The following PRICKLE2 variants were observed in gnomAD, a reference collection of about 807,000 sequenced individuals.
PRICKLE2 encodes prickle planar cell polarity protein 2, also known as prickle-like protein 2.
PRICKLE2 carries 21 observed loss-of-function variants against 81.4 expected under a neutral mutation model. The ratio of observed to expected loss-of-function variants is 0.26; its 90% CI spans 0.18 to 0.37. The LOEUF (loss-of-function observed/expected upper bound fraction) is 0.37, where lower values mean the gene tolerates loss of function less well. PRICKLE2 is among the 10% of genes least tolerant of loss of function. PRICKLE2 has a pLI of 1.00. For synonymous variants in PRICKLE2, 456 were observed against 421.5 expected (o/e 1.08, Z -1.00); for missense variants, 940 against 1,109.0 (o/e 0.85, Z 2.16).
At chr3:64,194,720 A>G (rs2078415995) in intron 2 of PRICKLE2, among the ~76,000 whole-genome samples, 1 of 152,198 alleles carries the variant, frequency 6.6e-6, no homozygotes. Context: ...GATACGGTAT[A>G]CACTATTCAC....
At chr3:64,215,978 C>T (rs1368979893) in intron 1 of PRICKLE2, among the ~76,000 whole-genome samples, 1 of 152,220 alleles carries the variant, frequency 6.6e-6, no homozygotes, top group Non-Finnish European at 1.5e-5. Flanking sequence ...AACAAGAACT[C>T]CTATGGCCTT....
rs757194676 is a variant in PRICKLE2, at chr3:64,110,578, T to C, written c.1661-10653A>G. On this transcript the variant is annotated intron_variant, in intron 7 of 7. Coordinates refer to ENST00000638394, the MANE Select transcript of PRICKLE2 (RefSeq NM_198859.4). ...GCAGAGAATAAAGACTGGACCTACT[T>C]TGAGTGCTGGAAAAGAACTCTGTGT... Among the ~76,000 whole-genome samples, 15 of 152,272 alleles carry C rather than the reference T, an allele frequency of 9.9e-5. 1 individual carries two copies. The South Asian group carries it at 1.5e-3, about 15-fold the overall frequency.
At chr3:64,267,026 G>T (rs985551432) in intron 2 of PRICKLE2, among the ~76,000 whole-genome samples, 1 of 151,850 alleles carries the variant, frequency 6.6e-6, no homozygotes, top group African/African-American at 2.4e-5. Context: ...ATGGGTGGGG[G>T]GAGCTGAAAC....
intron 7 of PRICKLE2, among the ~76,000 whole-genome samples, chr3:64,124,057 A>G (rs2077070332): frequency 6.6e-6 from 1 of 152,200 alleles, no homozygotes. Flanking sequence ...TGCAAATAAA[A>G]AGTTCTTGAA....
intron 2 of PRICKLE2, among the ~76,000 whole-genome samples, chr3:64,193,790 T>C (rs780174405): frequency 9.9e-5 from 15 of 152,168 alleles, no homozygotes; most frequent in Non-Finnish European, 2.2e-4. Flanking sequence ...GGAGGAGTTT[T>C]CCTGCAAAAG....
intron 7 of PRICKLE2, chr3:64,146,620 G>A: frequency 8.9e-6 from 5 of 561,226 alleles, no homozygotes; most frequent in Non-Finnish European, 1.6e-5. Context: ...GCGGGCACCT[G>A]TAGTCCCAAC....
chr3:64,226,370 G>T (rs2079032364), upstream of PRICKLE2, among the ~76,000 whole-genome samples: 1 of 152,186 alleles, frequency 6.6e-6, no homozygotes, highest in Non-Finnish European at 1.5e-5. Flanking sequence ...GGAGAGCCCT[G>T]TGTTCAAATC....
At position 64,147,004 on chromosome 3, in the gene PRICKLE2, C is replaced by T. The variant is rs753232273; in HGVS notation, c.1486G>A (p.Gly496Ser). ...TCATATTTGGGGACTTGGATGCTGC[C>T]TCGGGTCTCACTGAAACTCTGACTA... Reference protein sequence around the residue: ...MSSQSFSETRGSIQVPKYEEE... With the variant: ...MSSQSFSETRSSIQVPKYEEE... The change falls in exon 7 of 8, where the codon GGC becomes AGC. Residue 496 changes from glycine to serine, a missense_variant. Physicochemically the swap from Gly to Ser is moderately conservative, Grantham distance 56. Transcript: ENST00000638394. This position sits in a 1 kb window ranked among gnomAD's most constrained non-coding sequence, Gnocchi z 5.0. 1.2e-6 allele frequency: 2 copies of T among 1,613,974 alleles called. No homozygotes were observed. The highest frequency in any genetic ancestry group is 1.3e-5 in the African/African-American group (1 of 74,880).
intron 7 of PRICKLE2, among the ~76,000 whole-genome samples, chr3:64,126,686 T>C (rs1232901064): frequency 2.0e-5 from 3 of 152,182 alleles, no homozygotes; most frequent in African/African-American, 4.8e-5. Flanking sequence ...CAAGCTATTC[T>C]CCTGCCTCAG....
intron 2 of PRICKLE2, among the ~76,000 whole-genome samples, chr3:64,255,240 C>T (rs1172218638): frequency 6.6e-6 from 1 of 152,198 alleles, no homozygotes; most frequent in African/African-American, 2.4e-5. Flanking sequence ...CCTGAGCTTG[C>T]TGGTCACTGA....
chr3:64,203,617 G>C (rs1178274495), intron 1 of PRICKLE2, among the ~76,000 whole-genome samples: 1 of 152,064 alleles, frequency 6.6e-6, no homozygotes, highest in Non-Finnish European at 1.5e-5. Flanking sequence ...AAGATAACAA[G>C]AAAACAAAGG....
In PRICKLE2 at chr3:64,204,586, A is replaced by C. The variant is rs554383057; in HGVS notation, c.-40-5619T>G. On this transcript the variant is annotated intron_variant, in intron 1 of 7. Coordinates refer to ENST00000638394, the MANE Select transcript of PRICKLE2 (RefSeq NM_198859.4). ...TGAACAACAACAACAACAACAACAAAAAACCTCACACACACGCAAAAGCAA... is the reference window on the plus strand; with the variant it reads ...TGAACAACAACAACAACAACAACAACAAACCTCACACACACGCAAAAGCAA... Among the ~76,000 whole-genome samples the C allele has an allele frequency of 6.2e-3, 941 of 151,622 alleles. 7 individuals carry two copies. Among genetic ancestry groups the C allele is most frequent in the African/African-American group, 0.01 (422 of 41,318 alleles).
chr3:64,192,252 G>C (rs2160827), intron 2 of PRICKLE2, among the ~76,000 whole-genome samples: 56,830 of 152,112 alleles, frequency 0.37, 12,435 homozygotes, highest in Admixed American at 0.48. Context: ...GATGTTTGCT[G>C]GGTGCTGGCC....
At chr3:64,161,691 TTCTC>T (rs963966447) in intron 3 of PRICKLE2, among the ~76,000 whole-genome samples, 3 of 146,318 alleles carry the variant, frequency 2.1e-5, no homozygotes, top group Non-Finnish European at 4.5e-5. Flanking sequence ...AGCCAATCCC[TTCTC>T]TCTGTCAAAT....
chr3:64,134,297 G>T (rs1295310447), intron 7 of PRICKLE2, among the ~76,000 whole-genome samples: 2 of 152,210 alleles, frequency 1.3e-5, no homozygotes, highest in South Asian at 4.1e-4. Context: ...AGTAAAAAAA[G>T]CTCTCTCAGC....
At chr3:64,175,646 T>C (rs2078010195) in intron 2 of PRICKLE2, among the ~76,000 whole-genome samples, 1 of 152,240 alleles carries the variant, frequency 6.6e-6, no homozygotes, top group Non-Finnish European at 1.5e-5. Context: ...CATGCATTTC[T>C]AGATATTGAC....
intron 2 of PRICKLE2, among the ~76,000 whole-genome samples, chr3:64,189,201 G>A (rs931460583): frequency 6.6e-6 from 1 of 152,216 alleles, no homozygotes; most frequent in Non-Finnish European, 1.5e-5. Context: ...GGGTAAGAGA[G>A]TGAGAAGAGA....
At position 64,096,513 on chromosome 3, in the gene PRICKLE2, T is replaced by G. The variant is rs1350196774; in HGVS notation, c.*2538A>C. ...AGGAATTGGCCTTCCTCATTCAGCA[T>G]TCTCTGTAAGGTTGCATTTGGGGTC... On this transcript the variant is annotated 3_prime_UTR_variant, in exon 8 of 8. Transcript: ENST00000638394. 6.6e-6 allele frequency: 1 copy of G among 152,242 alleles called. No homozygotes were observed. Among genetic ancestry groups the G allele is most frequent in the Non-Finnish European group, 1.5e-5 (1 of 68,050 alleles). 9.4% of individuals were successfully genotyped at this position (152,242 alleles called of 1,614,324 possible). A position where few individuals can be genotyped will look rare whatever the true frequency, so the allele number is the denominator to read the frequency against.
intron 2 of PRICKLE2, among the ~76,000 whole-genome samples, chr3:64,260,724 T>A (rs2079604407): frequency 6.6e-6 from 1 of 152,210 alleles, no homozygotes; most frequent in Admixed American, 6.5e-5. Flanking sequence ...GATTTTTAAA[T>A]TAGTACTCCA....
Sources: allele counts gnomAD v4.1 joint callset (sites outside exome capture counted in the v4.1 genomes callset), GRCh38; gene constraint gnomAD v4.1.1; non-coding constraint Gnocchi (gnomAD v3.1); transcripts MANE v1.5; gene names NCBI Gene and HGNC (gene_info 2026-07-23, HGNC 2026-07-21).